The following ALDH4A1 variants were observed in gnomAD, a reference collection of about 807,000 sequenced individuals.
The protein encoded by ALDH4A1 is delta-1-pyrroline-5-carboxylate dehydrogenase, mitochondrial.
ALDH4A1 carries 46 observed loss-of-function variants against 70.5 expected under a neutral mutation model. The ratio of observed to expected loss-of-function variants is 0.65; its 90% CI spans 0.51 to 0.83. The LOEUF (loss-of-function observed/expected upper bound fraction) is 0.83. Ranked by LOEUF, ALDH4A1 falls within the 40% of genes least tolerant of loss-of-function variation. The pLI, the probability that ALDH4A1 is intolerant of heterozygous loss-of-function variation, is 0.00. For synonymous variants in ALDH4A1, 323 were observed against 324.3 expected (o/e 1.00, Z 0.04); for missense variants, 749 against 766.5 (o/e 0.98, Z 0.27).
At chr1:18,895,812 C>T (rs1235780181) in intron 1 of ALDH4A1, among the ~76,000 whole-genome samples, 3 of 152,344 alleles carry the variant, frequency 2.0e-5, no homozygotes, top group East Asian at 1.9e-4. Context: ...CCTGGACTCA[C>T]GCCATGCCAG....
intron 8 of ALDH4A1, among the ~76,000 whole-genome samples, chr1:18,881,389 T>A (rs544175687): frequency 1.2e-4 from 19 of 152,292 alleles, no homozygotes; most frequent in African/African-American, 4.3e-4. Context: ...CCCTTTCCAG[T>A]AGCAGAGGTA....
intron 9 of ALDH4A1, 84 bp downstream of exon 9, chr1:18,879,216 C>T (rs922714043): frequency 5.1e-6 from 7 of 1,367,518 alleles, no homozygotes; most frequent in Non-Finnish European, 6.1e-6. Context: ...GTGGCTGGAT[C>T]CCCTCTACCT....
At chr1:18,894,375 T>C (rs910008283) in intron 1 of ALDH4A1, among the ~76,000 whole-genome samples, 2 of 152,168 alleles carry the variant, frequency 1.3e-5, no homozygotes, top group African/African-American at 2.4e-5. Context: ...ACACCATCTC[T>C]ACTAAAACTA....
At chr1:18,894,647 G>A (rs2100605380) in intron 1 of ALDH4A1, among the ~76,000 whole-genome samples, 1 of 152,228 alleles carries the variant, frequency 6.6e-6, no homozygotes, top group African/African-American at 2.4e-5. Context: ...CCTTCCACAG[G>A]GCAGAGGCCC....
At position 18,880,331 on chromosome 1, in the gene ALDH4A1, G is replaced by A. The variant is rs963335592; in HGVS notation, c.867-958C>T. Among the ~76,000 whole-genome samples, 4 of 151,872 alleles carry A rather than the reference G, an allele frequency of 2.6e-5. No individual in the cohort carries two copies. The highest frequency in any genetic ancestry group is 6.6e-5 in the Admixed American group (1 of 15,252). ...AGGAGATTCATCTTCCCCCGAGCCC[G>A]CTCGCCCTCCCAGGTGCCCATCTTG... On this transcript the variant is annotated intron_variant, in intron 8 of 14. Coordinates refer to ENST00000375341, the MANE Select transcript of ALDH4A1 (RefSeq NM_003748.4). This position sits in a 1 kb window ranked among gnomAD's most constrained non-coding sequence, Gnocchi z 5.1.
At chr1:18,879,395 T>TG (rs1223171378) in intron 8 of ALDH4A1, 22 bp from the exon 9 acceptor site, 2 of 1,604,496 alleles carry the variant, frequency 1.2e-6, no homozygotes, top group South Asian at 2.2e-5. Context: ...GGAGAAAGGG[T>TG]GGGGTTCAGG....
At chr1:18,891,492 G>A (rs570881329) in intron 1 of ALDH4A1, among the ~76,000 whole-genome samples, 28 of 152,234 alleles carry the variant, frequency 1.8e-4, no homozygotes, top group African/African-American at 4.6e-4. Context: ...ACTGGTCGGC[G>A]CAATGAGGGA....
chr1:18,883,265 CCTCCTG>C lies in ALDH4A1; in HGVS notation c.603+8_603+13del. 1 of 1,613,176 alleles carries C rather than the reference CCTCCTG, an allele frequency of 6.2e-7. No homozygotes were observed. The highest frequency in any genetic ancestry group is 8.5e-7 in the Non-Finnish European group (1 of 1,180,010). On this transcript the variant is annotated splice_region_variant and intron_variant, in intron 6 of 14. Coordinates refer to ENST00000375341, the MANE Select transcript of ALDH4A1 (RefSeq NM_003748.4). ...GGCTGCCCCGCCTGCTCGCCCACTG[CCTCCTG>C]CAGGTACCTCCAGACCCCGGTACAC...
At chr1:18,881,660 C>T in intron 8 of ALDH4A1, 40 bp downstream of exon 8, 1 of 1,002,298 alleles carries the variant, frequency 1.0e-6, no homozygotes, top group Non-Finnish European at 1.4e-6. Context: ...AGGTGAACGT[C>T]CCCTAGCCAC....
At position 18,889,369 on chromosome 1, in the gene ALDH4A1, T is replaced by C; in HGVS notation, c.242A>G (p.Gln81Arg). 6.4e-7 allele frequency: 1 copy of C among 1,552,188 alleles called. No individual in the cohort carries two copies. The highest frequency in any genetic ancestry group is 1.2e-5 in the South Asian group (1 of 84,080). ...EEVWTSDVQY[Q>R]VSPFNHGHKV... The stretch of plus-strand genomic sequence containing the variant: ...CCCACCCGCTGGACATACCGACACT[T>C]GGTACTGCACGTCCGACGTCCACAC... The change falls in exon 3 of 15, where the codon CAA (glutamine) becomes CGA (arginine). Residue 81 changes from glutamine to arginine, a missense_variant. Gln to Arg is a conservative substitution (Grantham distance 43). Transcript: ENST00000375341.
At chr1:18,886,416 G>C in intron 4 of ALDH4A1, 48 bp downstream of exon 4, 1 of 1,602,396 alleles carries the variant, frequency 6.2e-7, no homozygotes, top group Non-Finnish European at 8.6e-7. Context: ...GGGCAGAGCA[G>C]GGGCAGCAAC....
chr1:18,890,695 C>G (rs556356247), intron 1 of ALDH4A1: 2 of 985,532 alleles, frequency 2.0e-6, no homozygotes, highest in Non-Finnish European at 2.4e-6. Context: ...CGAACTCACG[C>G]GGTTGTTTGA....
At position 18,877,941 on chromosome 1, in the gene ALDH4A1, C is replaced by T. The variant is rs147778190; in HGVS notation, c.941-329G>A. The stretch of plus-strand genomic sequence containing the variant: ...AGGACAGATGAGAACCCAAGGCCCC[C>T]GAGAGCCAGCCATTCCCAGAAGTGG... On this transcript the variant is annotated intron_variant, in intron 9 of 14. Coordinates refer to ENST00000375341, the MANE Select transcript of ALDH4A1 (RefSeq NM_003748.4). Among the ~76,000 whole-genome samples the T allele has an allele frequency of 9.1e-4, 138 of 152,274 alleles. 1 individual carries two copies. Among genetic ancestry groups the T allele is most frequent in the African/African-American group, 3.2e-3 (135 of 41,552 alleles).
At chr1:18,878,791 A>C (rs1398661375) in intron 9 of ALDH4A1, among the ~76,000 whole-genome samples, 1 of 152,056 alleles carries the variant, frequency 6.6e-6, no homozygotes, top group Non-Finnish European at 1.5e-5. Flanking sequence ...TGACCATGAA[A>C]CTGTTTCTTT....
intron 1 of ALDH4A1, among the ~76,000 whole-genome samples, chr1:18,902,164 T>C (rs1171721993): frequency 6.6e-6 from 1 of 152,140 alleles, no homozygotes; most frequent in East Asian, 1.9e-4. Flanking sequence ...CTACAGAGGC[T>C]ACTTTCCGAG....
rs943572449 is a variant in ALDH4A1 at position 18,885,730 on chromosome 1, G to C, written c.298-102C>G. 3.3e-6 allele frequency: 5 copies of C among 1,506,144 alleles called. No individual in the cohort carries two copies. The South Asian group carries it at 4.7e-5, about 14-fold the overall frequency. The allele number at this position is 1,506,144 out of a possible 1,614,324, so 93.3% of individuals were successfully genotyped here. A position where few individuals can be genotyped will look rare whatever the true frequency, so the allele number is the denominator to read the frequency against. ...CCTGGGAGGCCACTCTCTTCCATCCGGGGACAATGCCTGTCTCCCTGGGCC... is the reference window on the plus strand; with the variant it reads ...CCTGGGAGGCCACTCTCTTCCATCCCGGGACAATGCCTGTCTCCCTGGGCC... On this transcript the variant is annotated intron_variant, in intron 4 of 14. Coordinates refer to ENST00000375341, the MANE Select transcript of ALDH4A1 (RefSeq NM_003748.4).
chr1:18,896,655 G>A (rs1045547995), intron 1 of ALDH4A1, among the ~76,000 whole-genome samples: 2 of 152,220 alleles, frequency 1.3e-5, no homozygotes, highest in Non-Finnish European at 2.9e-5. Flanking sequence ...CACTTTGGGA[G>A]GCTGAGGAGG....
At chr1:18,902,030 G>A (rs900377563) in intron 1 of ALDH4A1, among the ~76,000 whole-genome samples, 2 of 152,046 alleles carry the variant, frequency 1.3e-5, no homozygotes, top group African/African-American at 4.8e-5. Context: ...TCCGGGGCGG[G>A]ATGGGGACAC....
rs752281738 is a variant in ALDH4A1, at chr1:18,877,588, AAGTGG to A, written c.960_964del (p.His321ArgfsTer71). ...CTCCACGTCGGCCGAGCGGTGCACG[AAGTGG>A]AAGTTCTTTCCGCCGCACTCTACAG... is the stretch of plus-strand genomic sequence containing the variant. On this transcript the variant is annotated frameshift_variant, in exon 10 of 15. Coordinates refer to ENST00000375341, the MANE Select transcript of ALDH4A1 (RefSeq NM_003748.4). LOFTEE classifies it high-confidence loss of function. 8.7e-6 allele frequency: 12 copies of A among 1,372,634 alleles called. No individual in the cohort carries two copies. The highest frequency in any genetic ancestry group is 1.5e-5 in the African/African-American group (1 of 66,756). The allele number at this position is 1,372,634 out of a possible 1,614,324, so 85.0% of individuals were successfully genotyped here. A position where few individuals can be genotyped will look rare whatever the true frequency, so the allele number is the denominator to read the frequency against.
Sources: allele counts gnomAD v4.1 joint callset (sites outside exome capture counted in the v4.1 genomes callset), GRCh38; gene constraint gnomAD v4.1.1; non-coding constraint Gnocchi (gnomAD v3.1); transcripts MANE v1.5; gene names NCBI Gene and HGNC (gene_info 2026-07-23, HGNC 2026-07-21).